TK2: variants seen among roughly 807,000 people sequenced by gnomAD.
TK2 encodes the protein thymidine kinase 2, mitochondrial.
A neutral mutation model predicts 41.9 loss-of-function variants in TK2; 35 were observed. That is an observed-to-expected ratio of 0.84 (90% CI 0.64 to 1.11). The LOEUF (loss-of-function observed/expected upper bound fraction) is 1.11. TK2 is among the 50% of genes least tolerant of loss of function. The pLI is 0.00. For synonymous variants in TK2, 128 were observed against 129.1 expected (o/e 0.99, Z 0.06); for missense variants, 320 against 351.1 (o/e 0.91, Z 0.71).
At position 66,517,288 on chromosome 16, in the gene TK2, G is replaced by A; in HGVS notation, c.539-73C>T. ...GAAGCAAAGCAGGCACACAGGCAAAGGCGGGAGGAAGGTCTGCACAGCTCG... is the reference window on the plus strand; with the variant it reads ...GAAGCAAAGCAGGCACACAGGCAAAAGCGGGAGGAAGGTCTGCACAGCTCG... On this transcript the variant is annotated intron_variant, in intron 7 of 9. Coordinates refer to ENST00000544898, the MANE Select transcript of TK2 (RefSeq NM_004614.5). This position sits in a 1 kb window ranked among gnomAD's most constrained non-coding sequence, Gnocchi z 4.3. 7.5e-7 allele frequency: 1 copy of A among 1,340,638 alleles called. No individual in the cohort carries two copies. Among genetic ancestry groups the A allele is most frequent in the Non-Finnish European group, 1.1e-6 (1 of 931,278 alleles). The allele number at this position is 1,340,638 out of a possible 1,614,324, so 83.0% of individuals were successfully genotyped here.
chr16:66,549,918 G>T lies in TK2; in HGVS notation c.124+20C>A. ...GGGCGCATAGGGGCTCCTGGGAGGC[G>T]GGACCAAGACGCGCGTTACCGGGAG... On this transcript the variant is annotated intron_variant, in intron 1 of 9. Coordinates refer to ENST00000544898, the MANE Select transcript of TK2 (RefSeq NM_004614.5). The T allele has an allele frequency of 7.4e-7, 1 of 1,348,712 alleles. No individual in the cohort carries two copies. The highest frequency in any genetic ancestry group is 2.0e-5 in the South Asian group (1 of 49,042). The allele number at this position is 1,348,712 out of a possible 1,614,324, so 83.5% of individuals were successfully genotyped here.
intron 6 of TK2, among the ~76,000 whole-genome samples, chr16:66,527,115 C>A (rs1441829260): frequency 6.6e-6 from 1 of 152,202 alleles, no homozygotes; most frequent in African/African-American, 2.4e-5. Context: ...GCTGGATAAA[C>A]CTAGCAGTGG....
At chr16:66,533,743 C>G (rs1965190698) in intron 4 of TK2, among the ~76,000 whole-genome samples, 2 of 152,038 alleles carry the variant, frequency 1.3e-5, no homozygotes, top group African/African-American at 2.4e-5. Context: ...CATGGTGGCT[C>G]ACGTCTGTAA....
chr16:66,521,405 G>C (rs1644911184), intron 6 of TK2, among the ~76,000 whole-genome samples: 2 of 152,216 alleles, frequency 1.3e-5, no homozygotes, highest in South Asian at 4.1e-4. Context: ...TCCCCCACAG[G>C]GTTGGTGCAG....
intron 5 of TK2, among the ~76,000 whole-genome samples, chr16:66,529,485 C>T (rs2144402245): frequency 6.6e-6 from 1 of 152,330 alleles, no homozygotes; most frequent in South Asian, 2.1e-4. Context: ...AGCAGAGGGA[C>T]CACATGCATG....
rs1312615654 is a variant in TK2 at position 66,550,028 on chromosome 16, G to A, written c.34C>T (p.Arg12Trp). ...LLWPLRGWAA[R>W]ALRCFGPGSR... ...CCCGGCCCAAAGCAGCGCAGCGCCC[G>A]GGCGGCCCAGCCCCGCAGCGGCCAC... The change falls in exon 1 of 10, where the codon CGG (arginine) becomes TGG (tryptophan). Residue 12 changes from arginine (R) to tryptophan (W), a missense_variant. By Grantham distance (101) the Arg-to-Trp change is moderately radical. Transcript: ENST00000544898. 4.5e-6 allele frequency: 7 copies of A among 1,551,424 alleles called. No individual in the cohort carries two copies. The highest frequency in any genetic ancestry group is 3.9e-5 in the Admixed American group (2 of 51,096).
At position 66,533,270 on chromosome 16, in the gene TK2, A is replaced by T. The variant is rs1355289160; in HGVS notation, c.286-1801T>A. Among the ~76,000 whole-genome samples the T allele has an allele frequency of 2.2e-5, 3 of 136,822 alleles. No individual in the cohort carries two copies. The East Asian group carries it at 7.0e-4, about 32-fold the overall frequency. The allele number at this position is 136,822 out of a possible 152,430, so 89.8% of individuals were successfully genotyped here. A position where few individuals can be genotyped will look rare whatever the true frequency, so the allele number is the denominator to read the frequency against. Reference sequence around the variant, plus strand: ...GTATTTTTAGTAGAGACGGGGTTTCACCATGCTGGCCAGGCAGATCATGCC... The same window carrying T: ...GTATTTTTAGTAGAGACGGGGTTTCTCCATGCTGGCCAGGCAGATCATGCC... On this transcript the variant is annotated intron_variant, in intron 4 of 9. Transcript: ENST00000544898.
At chr16:66,536,633 C>T (rs980495120) in intron 4 of TK2, among the ~76,000 whole-genome samples, 2 of 152,040 alleles carry the variant, frequency 1.3e-5, no homozygotes, top group African/African-American at 4.8e-5. Context: ...CCTGAGAAGT[C>T]CCGGGTTCTG....
At chr16:66,519,134 T>C (rs1306769395) in intron 6 of TK2, among the ~76,000 whole-genome samples, 2 of 147,302 alleles carry the variant, frequency 1.4e-5, no homozygotes, top group African/African-American at 5.1e-5. Flanking sequence ...GCTAATTTTT[T>C]GTATTTTTAG....
chr16:66,542,005 T>A (rs368835109), intron 2 of TK2, 52 bp from the exon 3 acceptor site: 4 of 1,588,068 alleles, frequency 2.5e-6, no homozygotes, highest in Non-Finnish European at 3.5e-6. Context: ...CCCAGGGGAA[T>A]GTCAGGGAAT....
At chr16:66,540,387 A>C (rs1348038538) in intron 3 of TK2, among the ~76,000 whole-genome samples, 1 of 151,800 alleles carries the variant, frequency 6.6e-6, no homozygotes, top group Non-Finnish European at 1.5e-5. Flanking sequence ...TGGCCAGGCT[A>C]CTCTTAAACT....
Position 66,517,271 on chromosome 16 carries a change from G to C in TK2, c.539-56C>G. ...ACTCTGCTCATGGCTTGGAAGCAAA[G>C]CAGGCACACAGGCAAAGGCGGGAGG... On this transcript the variant is annotated intron_variant, in intron 7 of 9. Transcript: ENST00000544898. This position sits in a 1 kb window ranked among gnomAD's most constrained non-coding sequence, Gnocchi z 4.3. The C allele has an allele frequency of 6.7e-7, 1 of 1,489,066 alleles. No individual in the cohort carries two copies. The highest frequency in any genetic ancestry group is 9.4e-7 in the Non-Finnish European group (1 of 1,066,228). 92.2% of individuals were successfully genotyped at this position (1,489,066 alleles called of 1,614,324 possible). A position where few individuals can be genotyped will look rare whatever the true frequency, so the allele number is the denominator to read the frequency against.
intron 6 of TK2, 62 bp downstream of exon 6, chr16:66,528,932 T>C: frequency 6.6e-7 from 1 of 1,506,348 alleles, no homozygotes; most frequent in Non-Finnish European, 9.2e-7. Context: ...AATAAACAAG[T>C]TTCTATTTCA....
rs139141676 is a variant in TK2 at position 66,542,303 on chromosome 16, G to A, written c.157-350C>T. On this transcript the variant is annotated intron_variant, in intron 2 of 9. Transcript: ENST00000544898. ...GGCCTAAGTGTCCTGCCTCCTTAAC[G>A]AGAGCTTAATCAATGGCTTTGAGGC... Among the ~76,000 whole-genome samples the A allele has an allele frequency of 5.2e-3, 794 of 152,070 alleles. 7 individuals carry two copies. The highest frequency in any genetic ancestry group is 0.018 in the African/African-American group (759 of 41,486).
At chr16:66,530,062 T>C (rs1965062021) in intron 5 of TK2, among the ~76,000 whole-genome samples, 1 of 152,210 alleles carries the variant, frequency 6.6e-6, no homozygotes, top group Non-Finnish European at 1.5e-5. Context: ...GAAAAGCAAA[T>C]TAGCAAAGGC....
chr16:66,533,481 T>TA (rs1965182783), intron 4 of TK2, among the ~76,000 whole-genome samples: 1 of 151,878 alleles, frequency 6.6e-6, no homozygotes, highest in African/African-American at 2.4e-5. Flanking sequence ...GCCCAGGAGT[T>TA]AAAGGTTACA....
At position 66,513,750 on chromosome 16, in the gene TK2, G is replaced by A. The variant is rs754140768; in HGVS notation, c.680C>T (p.Pro227Leu). ...ACTTACCAGAACAGGGGCTGCCATG[G>A]GGAAAAGGCTGCCTTTGATGAGCCA... is the stretch of plus-strand genomic sequence containing the variant. ...EEWLIKGSLFPMAAPVLVIEA... is the reference protein window; with the variant it reads ...EEWLIKGSLFLMAAPVLVIEA... The change falls in exon 9 of 10, where the codon CCC becomes CTC. Residue 227 changes from proline (P) to leucine (L), a missense_variant. Pro to Leu is a moderately conservative substitution (Grantham distance 98, BLOSUM62 -3). Transcript: ENST00000544898. The A allele has an allele frequency of 2.4e-4, 387 of 1,614,024 alleles. No homozygotes were observed. Among genetic ancestry groups the A allele is most frequent in the Non-Finnish European group, 3.1e-4 (365 of 1,180,002 alleles).
chr16:66,523,380 T>C (rs1230184256), intron 6 of TK2, among the ~76,000 whole-genome samples: 1 of 152,172 alleles, frequency 6.6e-6, no homozygotes. Context: ...ACCGTGTGGT[T>C]CCCAGTACCT....
Position 66,514,275 on chromosome 16 carries a change from A to G in TK2, c.619-464T>C, listed in dbSNP as rs1482284225. 6.6e-6 allele frequency among the ~76,000 whole-genome samples: 1 copy of G among 152,206 alleles called. No individual in the cohort carries two copies. The highest frequency in any genetic ancestry group is 1.5e-5 in the Non-Finnish European group (1 of 68,036). ...CCTGGGATTGCAGGCGCGCACCGCC[A>G]TGCCTGACTGGTTTTCGTATTTTTT... On this transcript the variant is annotated intron_variant, in intron 8 of 9. Coordinates refer to ENST00000544898, the MANE Select transcript of TK2 (RefSeq NM_004614.5). This position sits in a 1 kb window ranked among gnomAD's most constrained non-coding sequence, Gnocchi z 4.2.
Sources: allele counts gnomAD v4.1 joint callset (sites outside exome capture counted in the v4.1 genomes callset), GRCh38; gene constraint gnomAD v4.1.1; non-coding constraint Gnocchi (gnomAD v3.1); transcripts MANE v1.5; gene names NCBI Gene and HGNC (gene_info 2026-07-23, HGNC 2026-07-21).